Variants in KIAA0586 observed in about 807,000 individuals in gnomAD.
The protein encoded by KIAA0586 is protein TALPID3.
KIAA0586 carries 144 observed loss-of-function variants against 169.8 expected under a neutral mutation model. The ratio of observed to expected loss-of-function variants is 0.85; its 90% confidence interval spans 0.74 to 0.97. The LOEUF is 0.97. Ranked by LOEUF, KIAA0586 falls within the 50% of genes least tolerant of loss-of-function variation. KIAA0586 has a pLI of 0.00. For synonymous variants in KIAA0586, 625 were observed against 612.4 expected (o/e 1.02, Z -0.30); for missense variants, 1,854 against 1,823.0 (o/e 1.02, Z -0.31).
intron 3 of KIAA0586, among the ~76,000 whole-genome samples, chr14:58,431,380 A>G (rs1002495221): frequency 2.6e-5 from 4 of 152,036 alleles, no homozygotes; most frequent in Non-Finnish European, 5.9e-5. Flanking sequence ...GTCCTGCCTC[A>G]GCCTCCTGAG....
Position 58,521,773 on chromosome 14 carries a change from C to T in KIAA0586, c.4429+9146C>T, listed in dbSNP as rs540717319. 354 of 802,848 alleles carry T rather than the reference C, an allele frequency of 4.4e-4. 1 individual carries two copies. The highest frequency in any genetic ancestry group is 2.8e-3 in the Middle Eastern group (12 of 4,356). The allele number at this position is 802,848 out of a possible 1,614,324, so 49.7% of individuals were successfully genotyped here. A position where few individuals can be genotyped will look rare whatever the true frequency, so the allele number is the denominator to read the frequency against. Reference sequence around the variant, plus strand: ...GCAGTAGAGATGAAGGATGATAAGTCGGAAGAGGAGCAGAGCAGTAGTTCC... The same window carrying T: ...GCAGTAGAGATGAAGGATGATAAGTTGGAAGAGGAGCAGAGCAGTAGTTCC... On this transcript the variant is annotated intron_variant, in intron 29 of 30. Transcript: ENST00000652326.
intron 2 of KIAA0586, among the ~76,000 whole-genome samples, chr14:58,429,806 ATTCTAACACT>A (rs1409889201): frequency 6.6e-6 from 1 of 152,212 alleles, no homozygotes; most frequent in Non-Finnish European, 1.5e-5. Context: ...CTTGCATGTC[ATTCTAACACT>A]TGTGAGAATG....
chr14:58,538,343 A>G (rs1292724484), intron 29 of KIAA0586, among the ~76,000 whole-genome samples: 1 of 152,238 alleles, frequency 6.6e-6, no homozygotes, highest in Non-Finnish European at 1.5e-5. Flanking sequence ...ATTGCCCAGC[A>G]TAATGAAATA....
chr14:58,447,594 C>A (rs1412760340), intron 6 of KIAA0586, among the ~76,000 whole-genome samples: 1 of 152,062 alleles, frequency 6.6e-6, no homozygotes, highest in Non-Finnish European at 1.5e-5. Flanking sequence ...GATTCTCCTG[C>A]CTCAGCCTCC....
chr14:58,542,139 A>G (rs999128107), intron 30 of KIAA0586, among the ~76,000 whole-genome samples: 2 of 152,138 alleles, frequency 1.3e-5, no homozygotes, highest in Non-Finnish European at 2.9e-5. Flanking sequence ...GTTCTCTTAC[A>G]AAGTTCTAAA....
intron 27 of KIAA0586, among the ~76,000 whole-genome samples, chr14:58,504,633 A>G (rs1232092932): frequency 6.6e-6 from 1 of 152,216 alleles, no homozygotes; most frequent in Non-Finnish European, 1.5e-5. Flanking sequence ...ATTTCTAGTT[A>G]TGATTAATTA....
intron 29 of KIAA0586, among the ~76,000 whole-genome samples, chr14:58,517,500 C>G (rs2044851405): frequency 6.6e-6 from 1 of 152,152 alleles, no homozygotes; most frequent in African/African-American, 2.4e-5. Flanking sequence ...TAGATCAATT[C>G]TAATTCTGAT....
At chr14:58,470,393 T>C (rs1013470907) in intron 16 of KIAA0586, among the ~76,000 whole-genome samples, 2 of 152,076 alleles carry the variant, frequency 1.3e-5, no homozygotes, top group Admixed American at 1.3e-4. Context: ...TAAGATAGAA[T>C]TTTGTGTGTT....
In KIAA0586 at chr14:58,531,831, C is replaced by T. The variant is rs180869367; in HGVS notation, c.4430-8240C>T. 2.1e-3 allele frequency among the ~76,000 whole-genome samples: 320 copies of T among 152,286 alleles called. 2 individuals carry two copies. Among genetic ancestry groups the T allele is most frequent in the Non-Finnish European group, 1.6e-3 (111 of 68,028 alleles). ...GGATAAAGAAAATGTGGTACATACA[C>T]ACCATGGAATAATATGCAGCCATGT... On this transcript the variant is annotated intron_variant, in intron 29 of 30. Coordinates refer to ENST00000652326, the MANE Select transcript of KIAA0586 (RefSeq NM_001329943.3).
chr14:58,501,608 G>GTGTT lies in KIAA0586; in HGVS notation c.4168+2649_4168+2650insGTTT, dbSNP rs1220117367. ...ATTTTTAATCTTAGGTACATTGTAG[G>GTGTT]TATTTAATTGGAAAAAATAAGTAAT... On this transcript the variant is annotated intron_variant, in intron 27 of 30. Transcript: ENST00000652326. Among the ~76,000 whole-genome samples, 6 of 1,290 alleles carry GTGTT rather than the reference G, an allele frequency of 4.7e-3. No individual in the cohort carries two copies. In the East Asian group the frequency reaches 0.16, roughly 34 times the overall value. 0.8% of individuals were successfully genotyped at this position (1,290 alleles called of 152,430 possible).
In KIAA0586 at chr14:58,549,252, C is replaced by A. The variant is rs2047144656; in HGVS notation, c.*1320C>A. The A allele has an allele frequency of 6.6e-6, 1 of 151,922 alleles. No homozygotes were observed. The highest frequency in any genetic ancestry group is 2.4e-5 in the African/African-American group (1 of 41,344). The allele number at this position is 151,922 out of a possible 1,614,324, so 9.4% of individuals were successfully genotyped here. Reference sequence around the variant, plus strand: ...CTCAGCACTGGCAGCACATTAGAACCTCTGGGAGCTTTAAAAAATACTAAT... The same window carrying A: ...CTCAGCACTGGCAGCACATTAGAACATCTGGGAGCTTTAAAAAATACTAAT... On this transcript the variant is annotated 3_prime_UTR_variant, in exon 31 of 31. Coordinates refer to ENST00000652326, the MANE Select transcript of KIAA0586 (RefSeq NM_001329943.3).
intron 15 of KIAA0586, among the ~76,000 whole-genome samples, chr14:58,466,630 T>C (rs2040795884): frequency 6.6e-6 from 1 of 152,156 alleles, no homozygotes; most frequent in African/African-American, 2.4e-5. Context: ...CTCTGGAGGC[T>C]GAAGCAGGAG....
intron 25 of KIAA0586, among the ~76,000 whole-genome samples, chr14:58,491,264 G>A (rs1210531164): frequency 2.0e-5 from 3 of 151,992 alleles, no homozygotes; most frequent in Non-Finnish European, 2.9e-5. Flanking sequence ...TTCTACATTT[G>A]AAACTAAATT....
intron 26 of KIAA0586, among the ~76,000 whole-genome samples, chr14:58,497,059 C>A (rs2141286374): frequency 6.6e-6 from 1 of 151,912 alleles, no homozygotes; most frequent in African/African-American, 2.4e-5. Flanking sequence ...ACCACAACCT[C>A]CACCTCCTGG....
At chr14:58,545,260 TA>T (rs1262906871) in intron 30 of KIAA0586, among the ~76,000 whole-genome samples, 1 of 152,226 alleles carries the variant, frequency 6.6e-6, no homozygotes, top group Non-Finnish European at 1.5e-5. Context: ...TATACAAATA[TA>T]AGGCAATAAC....
chr14:58,498,919 G>C lies in KIAA0586; in HGVS notation c.4127G>C (p.Cys1376Ser), dbSNP rs764294275. ...AATACACAGTCTTTGGATCAACAAT[G>C]TGATCCTAAACCATTATCTCGGCAA... is the stretch of plus-strand genomic sequence containing the variant. ...VTNTQSLDQQ[C>S]DPKPLSRQFD... is the part of the protein sequence containing the mutation. Residue 1376 changes from cysteine to serine, a missense_variant, in exon 27 of 31, where the codon TGT becomes TCT. By Grantham distance (112) the Cys-to-Ser change is moderately radical (BLOSUM62 -1). Transcript: ENST00000652326. 2 of 1,610,176 alleles carry C rather than the reference G, an allele frequency of 1.2e-6. No homozygotes were observed. Among genetic ancestry groups the C allele is most frequent in the South Asian group, 2.2e-5 (2 of 89,940 alleles).
At chr14:58,534,803 CA>C (rs2046184087) in intron 29 of KIAA0586, among the ~76,000 whole-genome samples, 1 of 152,162 alleles carries the variant, frequency 6.6e-6, no homozygotes, top group African/African-American at 2.4e-5. Flanking sequence ...TTTAAAACTA[CA>C]AAGGTATCAT....
rs540796343 is a variant in KIAA0586 at position 58,547,610 on chromosome 14, T to A, written c.4496-171T>A. On this transcript the variant is annotated intron_variant, in intron 30 of 30. Transcript: ENST00000652326. ...GAGGGTGGAAAGGAGGAAGGTGTAT[T>A]TTACCTCTCTGACAAGTTCTGAGCA... Among the ~76,000 whole-genome samples the A allele has an allele frequency of 4.1e-4, 63 of 152,248 alleles. No homozygotes were observed. In the South Asian group the frequency reaches 0.012, roughly 28 times the overall value.
At chr14:58,527,501 G>T (rs2045671678) in intron 29 of KIAA0586, among the ~76,000 whole-genome samples, 1 of 152,184 alleles carries the variant, frequency 6.6e-6, no homozygotes, top group Non-Finnish European at 1.5e-5. Context: ...ACTAACAGTG[G>T]CTCTCTCTGC....
Sources: gnomAD v4.1 joint callset for allele counts (sites outside exome capture counted in the v4.1 genomes callset) on GRCh38, gnomAD v4.1.1 for gene constraint, MANE v1.5 for transcripts, NCBI Gene and HGNC (gene_info 2026-07-23, HGNC 2026-07-21) for gene names.